The following KIZ variants were observed in gnomAD, a reference collection of about 807,000 sequenced individuals.
The protein encoded by KIZ is centrosomal protein kizuna.
A neutral mutation model predicts 79.6 loss-of-function variants in KIZ; 68 were observed. The observed-to-expected ratio is 0.85, with a 90% CI of 0.70 to 1.05. KIZ has a LOEUF of 1.05. Ranked by LOEUF, KIZ falls within the 50% of genes least tolerant of loss-of-function variation. The pLI, the probability that KIZ is intolerant of heterozygous loss-of-function variation, is 0.00. For missense variants in KIZ, 797 were observed against 800.4 expected, an observed-to-expected ratio of 1.00 and a Z score of 0.05; for synonymous variants, 280 against 281.8, an observed-to-expected ratio of 0.99 and a Z score of 0.06.
At chr20:21,206,960 C>T (rs1464772307) in intron 7 of KIZ, among the ~76,000 whole-genome samples, 2 of 152,226 alleles carry the variant, frequency 1.3e-5, no homozygotes, top group African/African-American at 2.4e-5. Context: ...ATTCCTTCCT[C>T]ATTCCCTAGA....
intron 3 of KIZ, among the ~76,000 whole-genome samples, 188 bp from the exon 4 acceptor site, chr20:21,145,377 G>C (rs1176676110): frequency 1.3e-5 from 2 of 151,936 alleles, no homozygotes; most frequent in African/African-American, 4.8e-5. Flanking sequence ...GTAGCATTTT[G>C]TAAAATTCAA....
chr20:21,198,812 A>G (rs1405548510), intron 6 of KIZ: 1 of 152,670 alleles, frequency 6.6e-6, no homozygotes, highest in African/African-American at 2.4e-5. Context: ...AACCTAAGGC[A>G]GTAAAGGGCA....
intron 6 of KIZ, among the ~76,000 whole-genome samples, chr20:21,166,939 G>A (rs2033969059): frequency 6.6e-6 from 1 of 152,180 alleles, no homozygotes; most frequent in Admixed American, 6.5e-5. Flanking sequence ...CTTGTTTCCT[G>A]AAGAAGCAAA....
chr20:21,171,589 G>A (rs2034207871), intron 6 of KIZ, among the ~76,000 whole-genome samples: 1 of 152,092 alleles, frequency 6.6e-6, no homozygotes, highest in Non-Finnish European at 1.5e-5. Flanking sequence ...GGGATTACAG[G>A]CGCGTGCCAC....
Position 21,161,939 on chromosome 20 carries a change from C to G in KIZ, c.474C>G (p.Ile158Met). The G allele has an allele frequency of 6.2e-7, 1 of 1,613,660 alleles. No homozygotes were observed. Among genetic ancestry groups the G allele is most frequent in the Non-Finnish European group, 8.5e-7 (1 of 1,179,598 alleles). Reference sequence around the variant, plus strand: ...GAGGATTGTATCAACCAGCAACAATCTTTATGGGCCGCCAAATGTCAGCCA... The same window carrying G: ...GAGGATTGTATCAACCAGCAACAATGTTTATGGGCCGCCAAATGTCAGCCA... Reference protein sequence around the residue: ...MSRGLYQPATIFMGRQMSAIL... With the variant: ...MSRGLYQPATMFMGRQMSAIL... Residue 158 changes from isoleucine (I) to methionine (M), a missense_variant, in exon 5 of 13, where the codon ATC becomes ATG. Ile to Met is a conservative substitution (Grantham distance 10). Transcript: ENST00000619189.
chr20:21,139,439 T>A (rs2032391911), intron 3 of KIZ, among the ~76,000 whole-genome samples: 1 of 152,176 alleles, frequency 6.6e-6, no homozygotes, highest in Admixed American at 6.5e-5. Context: ...TCTTTTAGTA[T>A]TCATGAAAAA....
intron 6 of KIZ, among the ~76,000 whole-genome samples, chr20:21,165,874 C>T (rs2033906325): frequency 6.6e-6 from 1 of 152,234 alleles, no homozygotes; most frequent in Non-Finnish European, 1.5e-5. Context: ...CCTCAGCTCG[C>T]TGCAACCTTT....
chr20:21,231,776 C>T (rs888911863), intron 10 of KIZ, among the ~76,000 whole-genome samples: 1 of 152,280 alleles, frequency 6.6e-6, no homozygotes, highest in Middle Eastern at 3.4e-3. Context: ...GTGTACTCTG[C>T]ACTCAAGAAG....
chr20:21,171,225 A>G (rs778666396), intron 6 of KIZ, among the ~76,000 whole-genome samples: 2 of 152,182 alleles, frequency 1.3e-5, no homozygotes, highest in African/African-American at 2.4e-5. Flanking sequence ...CCACCTGTGT[A>G]TCTTCTTTGA....
intron 11 of KIZ, 167 bp downstream of exon 11, chr20:21,232,997 A>C (rs1303985007): frequency 1.7e-6 from 1 of 591,976 alleles, no homozygotes; most frequent in Non-Finnish European, 3.0e-6. Context: ...ACCTTTGAAA[A>C]TATTTGCACC....
In KIZ at chr20:21,244,551, T is replaced by C. The variant is rs572177203; in HGVS notation, c.1924+263T>C. 8 of 496,094 alleles carry C rather than the reference T, an allele frequency of 1.6e-5. 1 individual carries two copies. The highest frequency in any genetic ancestry group is 5.9e-5 in the African/African-American group (3 of 50,996). 30.7% of individuals were successfully genotyped at this position (496,094 alleles called of 1,614,324 possible). A position where few individuals can be genotyped will look rare whatever the true frequency, so the allele number is the denominator to read the frequency against. On this transcript the variant is annotated intron_variant, in intron 12 of 12. Coordinates refer to ENST00000619189, the MANE Select transcript of KIZ (RefSeq NM_018474.6). ...AATTTGCAGGGGATCCTGGCCTCCA[T>C]GTCTAATTAATTATCAGCACCCTGT... is the stretch of plus-strand genomic sequence containing the variant.
At chr20:21,179,358 G>T (rs1346459504) in intron 6 of KIZ, among the ~76,000 whole-genome samples, 1 of 151,376 alleles carries the variant, frequency 6.6e-6, no homozygotes, top group Non-Finnish European at 1.5e-5. Context: ...TATCCAGTTT[G>T]TTGGTTTGTA....
At chr20:21,162,632 T>C (rs772140826) in intron 5 of KIZ, 125 bp downstream of exon 5, 2 of 840,324 alleles carry the variant, frequency 2.4e-6, no homozygotes, top group Non-Finnish European at 1.8e-6. Context: ...TCCATTCTAA[T>C]GAACTCTTAA....
intron 9 of KIZ, among the ~76,000 whole-genome samples, chr20:21,217,721 GT>G (rs2036351098): frequency 6.6e-6 from 1 of 152,152 alleles, no homozygotes; most frequent in African/African-American, 2.4e-5. Flanking sequence ...GAAATCATTT[GT>G]GAAAGTGCCA....
In KIZ at chr20:21,206,943, T is replaced by C. The variant is rs771567816; in HGVS notation, c.1446+1359T>C. The stretch of plus-strand genomic sequence containing the variant: ...GAAGCCCAACTTTAGAGCATGTCCA[T>C]TGGCATATTCCTTCCTCATTCCCTA... On this transcript the variant is annotated intron_variant, in intron 7 of 12. Coordinates refer to ENST00000619189, the MANE Select transcript of KIZ (RefSeq NM_018474.6). Among the ~76,000 whole-genome samples the C allele has an allele frequency of 3.2e-4, 49 of 152,310 alleles. No homozygotes were observed. The Middle Eastern group carries it at 0.014, about 42-fold the overall frequency.
intron 4 of KIZ, among the ~76,000 whole-genome samples, chr20:21,153,441 A>G (rs1568925177): frequency 6.6e-6 from 1 of 152,176 alleles, no homozygotes; most frequent in East Asian, 1.9e-4. Context: ...AATTTAACAG[A>G]TATATCTTAA....
At chr20:21,142,897 T>A (rs960384235) in intron 3 of KIZ, among the ~76,000 whole-genome samples, 2 of 152,166 alleles carry the variant, frequency 1.3e-5, no homozygotes. Context: ...TGAGAACAAG[T>A]CTTTTGAACT....
chr20:21,243,799 G>A (rs1483682770), intron 11 of KIZ, among the ~76,000 whole-genome samples: 1 of 152,190 alleles, frequency 6.6e-6, no homozygotes, highest in Admixed American at 6.5e-5. Flanking sequence ...GTTTGACTAA[G>A]TATTTTAACT....
intron 6 of KIZ, chr20:21,196,013 G>C (rs1189970733): frequency 6.6e-6 from 1 of 152,478 alleles, no homozygotes; most frequent in African/African-American, 2.4e-5. Context: ...TCAGTCTCCT[G>C]ACTGGTCTCT....
Sources: allele counts gnomAD v4.1 joint callset (sites outside exome capture counted in the v4.1 genomes callset), GRCh38; gene constraint gnomAD v4.1.1; transcripts MANE v1.5; gene names NCBI Gene and HGNC (gene_info 2026-07-23, HGNC 2026-07-21).